RPS6KA5: variants seen among roughly 807,000 people sequenced by gnomAD.
RPS6KA5 encodes the protein ribosomal protein S6 kinase A5.
RPS6KA5 carries 27 observed loss-of-function variants against 85.5 expected under a neutral mutation model. That is an observed-to-expected ratio of 0.32 (90% CI 0.23 to 0.44). The LOEUF (loss-of-function observed/expected upper bound fraction) is 0.44, where lower values mean the gene tolerates loss of function less well. Ranked by LOEUF, RPS6KA5 falls within the 20% of genes least tolerant of loss-of-function variation. RPS6KA5 has a pLI of 1.00. For missense variants in RPS6KA5, 811 were observed against 980.9 expected (o/e 0.83, Z 2.31); for synonymous variants, 334 against 348.2 (o/e 0.96, Z 0.46).
intron 5 of RPS6KA5, among the ~76,000 whole-genome samples, chr14:90,940,108 T>C (rs2037489216): frequency 6.6e-6 from 1 of 152,040 alleles, no homozygotes; most frequent in Admixed American, 6.6e-5. Context: ...GCCCTGAGAG[T>C]TAAACCTGAA....
At chr14:90,979,448 C>T (rs1381431541) in intron 2 of RPS6KA5, among the ~76,000 whole-genome samples, 3 of 152,278 alleles carry the variant, frequency 2.0e-5, no homozygotes, top group Admixed American at 1.3e-4. Flanking sequence ...TAAGTCCAGT[C>T]TCTCTGTTAA....
intron 7 of RPS6KA5, among the ~76,000 whole-genome samples, chr14:90,913,208 C>T (rs1022666272): frequency 1.3e-4 from 20 of 152,104 alleles, no homozygotes; most frequent in African/African-American, 2.9e-4. Flanking sequence ...CCACTGCGGC[C>T]GGCCACATGA....
chr14:90,859,041 GCT>G lies in RPS6KA5; in HGVS notation c.*13031_*13032del, dbSNP rs1410911764. 1 of 152,236 alleles carries G rather than the reference GCT, an allele frequency of 6.6e-6. No individual in the cohort carries two copies. The highest frequency in any genetic ancestry group is 1.9e-4 in the East Asian group (1 of 5,196). The allele number at this position is 152,236 out of a possible 1,614,324, so 9.4% of individuals were successfully genotyped here. Reference sequence around the variant, plus strand: ...AGATGAGAGGCTAACGAGCTGAGCAGCTCTTAGTACTGAGGAGGGAAAGGTTG... The same window carrying G: ...AGATGAGAGGCTAACGAGCTGAGCAGCTTAGTACTGAGGAGGGAAAGGTTG... On this transcript the variant is annotated 3_prime_UTR_variant, in exon 17 of 17. Coordinates refer to ENST00000614987, the MANE Select transcript of RPS6KA5 (RefSeq NM_004755.4).
chr14:91,018,478 C>T (rs2041599997), intron 1 of RPS6KA5, among the ~76,000 whole-genome samples: 1 of 152,184 alleles, frequency 6.6e-6, no homozygotes, highest in South Asian at 2.1e-4. Context: ...TGGGTGGGCA[C>T]CACCATCCAA....
Position 90,864,788 on chromosome 14 carries a change from C to T in RPS6KA5, c.*7286G>A, listed in dbSNP as rs1376795952. On this transcript the variant is annotated 3_prime_UTR_variant, in exon 17 of 17. Coordinates refer to ENST00000614987, the MANE Select transcript of RPS6KA5 (RefSeq NM_004755.4). ...ATATAAAAAGGTGTTCCACACATCA[C>T]TACTTATCAGGAAAATACACCTTAA... 6.6e-6 allele frequency: 1 copy of T among 152,212 alleles called. No individual in the cohort carries two copies. Among genetic ancestry groups the T allele is most frequent in the Non-Finnish European group, 1.5e-5 (1 of 68,040 alleles). The allele number at this position is 152,212 out of a possible 1,614,324, so 9.4% of individuals were successfully genotyped here. A position where few individuals can be genotyped will look rare whatever the true frequency, so the allele number is the denominator to read the frequency against.
rs202185192 is a variant in RPS6KA5 at position 91,025,659 on chromosome 14, TA to T, written c.104-24501del. Among the ~76,000 whole-genome samples, 1,091 of 143,346 alleles carry T rather than the reference TA, an allele frequency of 7.6e-3. 7 individuals carry two copies. Among genetic ancestry groups the T allele is most frequent in the Non-Finnish European group, 0.01 (671 of 65,100 alleles). 94.0% of individuals were successfully genotyped at this position (143,346 alleles called of 152,430 possible). On this transcript the variant is annotated intron_variant, in intron 1 of 16. Coordinates refer to ENST00000614987, the MANE Select transcript of RPS6KA5 (RefSeq NM_004755.4). ...TGTTAAAGTATCATTTCTGAAGTTC[TA>T]AAAAAAAAAAGCAAACAAATCGTCA...
At chr14:91,014,449 C>A (rs2041394346) in intron 1 of RPS6KA5, among the ~76,000 whole-genome samples, 1 of 150,402 alleles carries the variant, frequency 6.6e-6, no homozygotes, top group Non-Finnish European at 1.5e-5. Flanking sequence ...TTGCAGTGAG[C>A]CGAGATCACA....
chr14:90,985,505 G>A (rs1287379320), intron 2 of RPS6KA5, among the ~76,000 whole-genome samples: 3 of 152,196 alleles, frequency 2.0e-5, no homozygotes, highest in Non-Finnish European at 4.4e-5. Flanking sequence ...CTCAACCAAG[G>A]TGAGAGCAAT....
intron 12 of RPS6KA5, among the ~76,000 whole-genome samples, 162 bp downstream of exon 12, chr14:90,899,167 T>C (rs1357976081): frequency 6.6e-6 from 1 of 151,884 alleles, no homozygotes; most frequent in Non-Finnish European, 1.5e-5. Context: ...AGTGTGTGGT[T>C]GGGGAGGGGT....
intron 2 of RPS6KA5, among the ~76,000 whole-genome samples, chr14:90,985,597 G>C (rs1161670772): frequency 6.6e-6 from 1 of 152,030 alleles, no homozygotes; most frequent in Admixed American, 6.6e-5. Flanking sequence ...CTGCACTTTG[G>C]GTTCATAACA....
In RPS6KA5 at chr14:91,006,998, A is replaced by G. The variant is rs150501509; in HGVS notation, c.104-5839T>C. 1.5e-3 allele frequency among the ~76,000 whole-genome samples: 223 copies of G among 152,332 alleles called. 1 individual carries two copies. Among genetic ancestry groups the G allele is most frequent in the Admixed American group, 3.7e-3 (57 of 15,304 alleles). Reference sequence around the variant, plus strand: ...ACTACTGCACCAATGCAGCTTCTACAGAAGAGTTTTACATTGGTGTGTTGG... The same window carrying G: ...ACTACTGCACCAATGCAGCTTCTACGGAAGAGTTTTACATTGGTGTGTTGG... On this transcript the variant is annotated intron_variant, in intron 1 of 16. Coordinates refer to ENST00000614987, the MANE Select transcript of RPS6KA5 (RefSeq NM_004755.4).
chr14:90,918,233 T>C (rs1223350278), intron 7 of RPS6KA5, among the ~76,000 whole-genome samples: 3 of 152,190 alleles, frequency 2.0e-5, no homozygotes, highest in Non-Finnish European at 4.4e-5. Flanking sequence ...ACTAGTTGAA[T>C]ATATAGTGGT....
In RPS6KA5 at chr14:91,017,294, A is replaced by AGTGTTTTGTT. The variant is rs2041545020; in HGVS notation, c.104-16136_104-16135insAACAAAACAC. ...GTGTTTTGTTCTTGCTGTAACAGAC[A>AGTGTTTTGTT]CTTACTCTGGATACAGATTTGCCTT... On this transcript the variant is annotated intron_variant, in intron 1 of 16. Coordinates refer to ENST00000614987, the MANE Select transcript of RPS6KA5 (RefSeq NM_004755.4). 2.0e-5 allele frequency among the ~76,000 whole-genome samples: 3 copies of AGTGTTTTGTT among 152,344 alleles called. 1 individual carries two copies. The South Asian group carries it at 6.2e-4, about 32-fold the overall frequency.
At chr14:90,951,012 C>A (rs539035416) in intron 3 of RPS6KA5, among the ~76,000 whole-genome samples, 1 of 148,380 alleles carries the variant, frequency 6.7e-6, no homozygotes, top group Non-Finnish European at 1.5e-5. Context: ...CCCAGCTACT[C>A]GGGAGGCTGA....
chr14:91,018,508 G>C (rs1018707799), intron 1 of RPS6KA5, among the ~76,000 whole-genome samples: 1 of 152,248 alleles, frequency 6.6e-6, no homozygotes, highest in African/African-American at 2.4e-5. Context: ...AGCATGGCTA[G>C]AACAAAAGCA....
intron 7 of RPS6KA5, 71 bp from the exon 8 acceptor site, chr14:90,906,370 A>G (rs2035506048): frequency 8.0e-7 from 1 of 1,254,488 alleles, no homozygotes; most frequent in African/African-American, 1.5e-5. Context: ...GGTGAAATAC[A>G]CTTTGAAACT....
intron 14 of RPS6KA5, among the ~76,000 whole-genome samples, chr14:90,878,205 A>G (rs2033604429): frequency 6.6e-6 from 1 of 152,232 alleles, no homozygotes; most frequent in Admixed American, 6.5e-5. Flanking sequence ...GCGTAGTGCC[A>G]GAATTTGCTA....
At chr14:90,913,205 G>A (rs2035927106) in intron 7 of RPS6KA5, among the ~76,000 whole-genome samples, 1 of 151,946 alleles carries the variant, frequency 6.6e-6, no homozygotes, top group Non-Finnish European at 1.5e-5. Context: ...GAGCCACTGC[G>A]GCCGGCCACA....
intron 3 of RPS6KA5, 105 bp downstream of exon 3, chr14:90,978,201 T>C: frequency 1.3e-6 from 1 of 785,592 alleles, no homozygotes. Context: ...AATCAAAATA[T>C]TTCACTTCTT....
Sources: gnomAD v4.1 joint callset for allele counts (sites outside exome capture counted in the v4.1 genomes callset) on GRCh38, gnomAD v4.1.1 for gene constraint, MANE v1.5 for transcripts, NCBI Gene and HGNC (gene_info 2026-07-23, HGNC 2026-07-21) for gene names.